The following NPAS3 variants were observed in gnomAD, a reference collection of about 807,000 sequenced individuals.
NPAS3 encodes the protein neuronal PAS domain-containing protein 3.
A neutral mutation model predicts 73.1 loss-of-function variants in NPAS3; 14 were observed. That is an observed-to-expected ratio of 0.19 (90% CI 0.13 to 0.30). NPAS3 has a LOEUF of 0.30. Ranked by LOEUF, NPAS3 falls within the 10% of genes least tolerant of loss-of-function variation. The probability of loss-of-function intolerance (pLI) is 1.00; values close to 1 mark genes in which losing one functional copy is unlikely to be tolerated. For synonymous variants in NPAS3, 620 were observed against 541.5 expected (o/e 1.14, Z -2.01); for missense variants, 1,096 against 1,250.0 (o/e 0.88, Z 1.86).
At chr14:33,447,337 A>G (rs1387448578) in intron 4 of NPAS3, among the ~76,000 whole-genome samples, 1 of 152,116 alleles carries the variant, frequency 6.6e-6, no homozygotes, top group Non-Finnish European at 1.5e-5. Context: ...TATAGTTTAG[A>G]TTTTGTGTGT....
intron 4 of NPAS3, among the ~76,000 whole-genome samples, chr14:33,402,577 G>T (rs2047493267): frequency 6.6e-6 from 1 of 152,128 alleles, no homozygotes; most frequent in African/African-American, 2.4e-5. Flanking sequence ...CCTCTGTGGT[G>T]CCTCCACCAG....
At chr14:33,513,757 C>G (rs1203261285) in intron 4 of NPAS3, among the ~76,000 whole-genome samples, 1 of 151,740 alleles carries the variant, frequency 6.6e-6, no homozygotes, top group African/African-American at 2.4e-5. Context: ...CTTCTTGACT[C>G]CTATGATTTG....
At chr14:33,732,848 A>T (rs1428323794) in intron 6 of NPAS3, among the ~76,000 whole-genome samples, 1 of 149,154 alleles carries the variant, frequency 6.7e-6, no homozygotes. Flanking sequence ...CGATGCCGTG[A>T]TTGGCTCCAC....
intron 4 of NPAS3, among the ~76,000 whole-genome samples, chr14:33,381,150 G>A (rs1473672035): frequency 6.6e-6 from 1 of 152,100 alleles, no homozygotes; most frequent in Admixed American, 6.5e-5. Context: ...TAGTCACATA[G>A]GAGATAAAAC....
intron 9 of NPAS3, among the ~76,000 whole-genome samples, chr14:33,790,968 A>G (rs2063342328): frequency 6.6e-6 from 1 of 152,210 alleles, no homozygotes; most frequent in South Asian, 2.1e-4. Flanking sequence ...TTGCAAACCA[A>G]AAGCAACTTG....
At chr14:33,659,282 G>A (rs1291385195) in intron 5 of NPAS3, among the ~76,000 whole-genome samples, 1 of 152,184 alleles carries the variant, frequency 6.6e-6, no homozygotes, top group Non-Finnish European at 1.5e-5. Flanking sequence ...TTATAACAGA[G>A]GAAACGCCAG....
chr14:33,748,795 G>A (rs933366103), intron 7 of NPAS3, among the ~76,000 whole-genome samples: 1 of 152,156 alleles, frequency 6.6e-6, no homozygotes, highest in Non-Finnish European at 1.5e-5. Context: ...GTGCATTAGT[G>A]CTTTAGCCCC....
Position 33,801,055 on chromosome 14 carries a change from C to T in NPAS3, c.2748C>T (p.Pro916=), listed in dbSNP as rs779123476. Residue 916 remains proline (P), a synonymous_variant, in exon 12 of 12, where the codon CCC becomes CCT. Coordinates refer to ENST00000356141, the Ensembl canonical transcript of NPAS3. Reference sequence around the variant, plus strand: ...GACTCTTCTCCACGCTGCCCTTCCCCGTCTACAGCAACGGCATCCACGCGG... The same window carrying T: ...GACTCTTCTCCACGCTGCCCTTCCCTGTCTACAGCAACGGCATCCACGCGG... 4.4e-6 allele frequency: 7 copies of T among 1,594,588 alleles called. No homozygotes were observed. The African/African-American group carries it at 6.7e-5, about 15-fold the overall frequency.
intron 4 of NPAS3, among the ~76,000 whole-genome samples, chr14:33,374,694 T>C (rs975454807): frequency 8.4e-6 from 1 of 119,270 alleles, no homozygotes; most frequent in African/African-American, 3.3e-5. Context: ...AATGTTGGGG[T>C]GTGTCGGGGC....
In NPAS3 at chr14:33,424,056, T is replaced by G. The variant is rs189713150; in HGVS notation, c.468+56788T>G. ...AAAACACTCATTAAACAATCACACA[T>G]GAAAACAAAATTGCAGCTATAACAA... On this transcript the variant is annotated intron_variant, in intron 4 of 11. Coordinates refer to ENST00000356141, the Ensembl canonical transcript of NPAS3. 7.7e-4 allele frequency among the ~76,000 whole-genome samples: 117 copies of G among 152,024 alleles called. 1 individual carries two copies. The highest frequency in any genetic ancestry group is 2.5e-3 in the African/African-American group (105 of 41,494).
At chr14:33,479,091 G>A (rs939335592) in intron 4 of NPAS3, among the ~76,000 whole-genome samples, 1 of 152,148 alleles carries the variant, frequency 6.6e-6, no homozygotes, top group Non-Finnish European at 1.5e-5. Context: ...AAAAGGCTAA[G>A]GAAAATAAAC....
At chr14:33,552,594 A>C (rs972560871) in intron 4 of NPAS3, among the ~76,000 whole-genome samples, 5 of 151,676 alleles carry the variant, frequency 3.3e-5, no homozygotes, top group African/African-American at 1.2e-4. Context: ...TATAATGAAG[A>C]CCACTTCCTA....
chr14:33,681,927 A>G (rs1372445177), intron 6 of NPAS3, among the ~76,000 whole-genome samples: 1 of 152,156 alleles, frequency 6.6e-6, no homozygotes, highest in Non-Finnish European at 1.5e-5. Flanking sequence ...TGCCTTTCCA[A>G]AATTCTGAAT....
At chr14:33,081,167 A>G (rs1375058482) in intron 2 of NPAS3, among the ~76,000 whole-genome samples, 1 of 152,172 alleles carries the variant, frequency 6.6e-6, no homozygotes, top group African/African-American at 2.4e-5. Context: ...GGGCGTGTTC[A>G]GGGTGGTATG....
At chr14:33,237,812 A>G (rs897700868) in intron 3 of NPAS3, among the ~76,000 whole-genome samples, 9 of 151,964 alleles carry the variant, frequency 5.9e-5, no homozygotes, top group Non-Finnish European at 1.0e-4. Context: ...TACATAAAGA[A>G]GATAAGTATA....
At chr14:33,281,586 C>T (rs1168217737) in intron 3 of NPAS3, among the ~76,000 whole-genome samples, 4 of 152,276 alleles carry the variant, frequency 2.6e-5, no homozygotes, top group East Asian at 1.9e-4. Context: ...GAGCCAAGAT[C>T]GCGTCATTGC....
At chr14:33,609,996 C>T (rs1456118742) in intron 5 of NPAS3, among the ~76,000 whole-genome samples, 1 of 152,128 alleles carries the variant, frequency 6.6e-6, no homozygotes, top group African/African-American at 2.4e-5. Context: ...ACAGAGATCT[C>T]AGTTCAATAG....
At chr14:33,145,156 C>T (rs986986449) in intron 2 of NPAS3, among the ~76,000 whole-genome samples, 1 of 152,076 alleles carries the variant, frequency 6.6e-6, no homozygotes, top group East Asian at 1.9e-4. Flanking sequence ...TGCAGTTCAC[C>T]CACTACCCCT....
chr14:33,500,386 G>A (rs564754344), intron 4 of NPAS3, among the ~76,000 whole-genome samples: 31 of 151,902 alleles, frequency 2.0e-4, no homozygotes, highest in Non-Finnish European at 2.7e-4. Context: ...AAAAGATAAG[G>A]GGAACAAGGA....
Sources: allele counts gnomAD v4.1 joint callset (sites outside exome capture counted in the v4.1 genomes callset), GRCh38; gene constraint gnomAD v4.1.1; transcripts MANE v1.5; gene names NCBI Gene and HGNC (gene_info 2026-07-23, HGNC 2026-07-21).